Variants in DHX34 observed in about 807,000 individuals in gnomAD.
DHX34 encodes the protein probable ATP-dependent RNA helicase DHX34.
In DHX34, 96 loss-of-function variants were observed where a neutral mutation model predicts 111.1. That is an observed-to-expected ratio of 0.86 (90% CI 0.73 to 1.02). DHX34 has a LOEUF of 1.02. Ranked by LOEUF, DHX34 falls within the 50% of genes least tolerant of loss-of-function variation. The pLI is 0.00. For missense variants in DHX34, 1,560 were observed against 1,579.9 expected (o/e 0.99, Z 0.21); for synonymous variants, 688 against 670.4 (o/e 1.03, Z -0.41).
Position 47,353,293 on chromosome 19 carries a change from A to G in DHX34, c.263A>G (p.His88Arg), listed in dbSNP as rs773973689. 8 of 1,614,062 alleles carry G rather than the reference A, an allele frequency of 5.0e-6. No homozygotes were observed. In the Admixed American group the frequency reaches 1.0e-4, roughly 20 times the overall value. ...KEEKDPGQPK[H>R]SIPALADLPR... Reference sequence around the variant, plus strand: ...GAGAAAGACCCTGGACAGCCCAAGCACAGCATCCCAGCGCTGGCCGACCTA... The same window carrying G: ...GAGAAAGACCCTGGACAGCCCAAGCGCAGCATCCCAGCGCTGGCCGACCTA... Residue 88 changes from histidine to arginine, a missense_variant, in exon 2 of 17, where the codon CAC becomes CGC. Physicochemically the swap from His to Arg is conservative, Grantham distance 29. Transcript: ENST00000328771. This position sits in a 1 kb window ranked among gnomAD's most constrained non-coding sequence, Gnocchi z 4.6.
chr19:47,354,811 C>T (rs547660452), intron 2 of DHX34: 109 of 336,034 alleles, frequency 3.2e-4, no homozygotes, highest in African/African-American at 2.4e-3. Flanking sequence ...CCACCACGCC[C>T]GGCTAATTTT....
In DHX34 at chr19:47,373,710, G is replaced by C; in HGVS notation, c.2064+10G>C. 1 of 1,611,666 alleles carries C rather than the reference G, an allele frequency of 6.2e-7. No individual in the cohort carries two copies. Among genetic ancestry groups the C allele is most frequent in the Non-Finnish European group, 8.5e-7 (1 of 1,178,902 alleles). ...TCGGCGCCAGTTCAAGGTGAGGCTC[G>C]GGAGGAGGGGTAAGGCCGGCCCCAC... On this transcript the variant is annotated intron_variant, in intron 9 of 16. Transcript: ENST00000328771.
rs1857324342 is a variant in DHX34, at chr19:47,357,928, G to T, written c.1080G>T (p.Arg360=). The T allele has an allele frequency of 6.2e-7, 1 of 1,614,032 alleles. No individual in the cohort carries two copies. Among genetic ancestry groups the T allele is most frequent in the Non-Finnish European group, 8.5e-7 (1 of 1,180,042 alleles). ...TTSKSEKLDP[R]PFLRVLESID... is the part of the protein sequence containing the mutation. ...CCAAGTCAGAGAAGCTGGACCCGCG[G>T]CCTTTCCTGAGGGTGCTGGAGTCCA... Residue 360 remains arginine (R), a synonymous_variant, in exon 4 of 17, where the codon CGG becomes CGT. Coordinates refer to ENST00000328771, the MANE Select transcript of DHX34 (RefSeq NM_014681.6).
At chr19:47,365,232 ATTTATTT>A (rs55934856) in intron 6 of DHX34, among the ~76,000 whole-genome samples, 15,007 of 74,292 alleles carry the variant, frequency 0.2, 1,033 homozygotes, top group African/African-American at 0.5. Flanking sequence ...TGTAAAGGTT[ATTTATTT>A]ATTTATTTAT....
intron 1 of DHX34, among the ~76,000 whole-genome samples, chr19:47,352,150 C>G (rs963791728): frequency 1.3e-5 from 2 of 152,160 alleles, no homozygotes; most frequent in Non-Finnish European, 2.9e-5. Context: ...TCCCCTCCTC[C>G]CAGGATCCTT....
intron 9 of DHX34, among the ~76,000 whole-genome samples, chr19:47,374,645 G>C (rs944261411): frequency 6.6e-5 from 10 of 152,012 alleles, no homozygotes; most frequent in Admixed American, 4.6e-4. Context: ...AGGCCCAGAG[G>C]GGGCAGTCAC....
At chr19:47,370,437 C>T (rs993269662) in intron 7 of DHX34, among the ~76,000 whole-genome samples, 1 of 152,364 alleles carries the variant, frequency 6.6e-6, no homozygotes, top group Admixed American at 6.5e-5. Context: ...GAGTCATGCT[C>T]ACCCCTCCCG....
chr19:47,356,052 A>G (rs2122225615), intron 3 of DHX34, among the ~76,000 whole-genome samples: 1 of 152,228 alleles, frequency 6.6e-6, no homozygotes, highest in East Asian at 1.9e-4. Context: ...TTCAGTCTGG[A>G]TAATTCCTTG....
chr19:47,374,580 G>A (rs1329136673), intron 9 of DHX34, among the ~76,000 whole-genome samples: 1 of 152,066 alleles, frequency 6.6e-6, no homozygotes, highest in Non-Finnish European at 1.5e-5. Context: ...ATTGAGAATA[G>A]AATAAAAGGG....
At position 47,381,261 on chromosome 19, in the gene DHX34, A is replaced by T; in HGVS notation, c.3235A>T (p.Thr1079Ser). 4 of 1,613,910 alleles carry T rather than the reference A, an allele frequency of 2.5e-6. No individual in the cohort carries two copies. The highest frequency in any genetic ancestry group is 3.4e-6 in the Non-Finnish European group (4 of 1,179,892). ...CCACTGTGGCCTGCATGCGCCCCTC[A>T]CGCCCCTGGAGCGCATCGCCCATGA... Reference protein sequence around the residue: ...CPHCGLHAPLTPLERIAHENT... With the variant: ...CPHCGLHAPLSPLERIAHENT... The change falls in exon 16 of 17, where the codon ACG (threonine) becomes TCG (serine). Residue 1079 changes from threonine (T) to serine (S), a missense_variant. Coordinates refer to ENST00000328771, the MANE Select transcript of DHX34 (RefSeq NM_014681.6).
rs760192913 is a variant in DHX34, at chr19:47,376,504, G to C, written c.2543G>C (p.Ser848Thr). Reference sequence around the variant, plus strand: ...CACCCCACCTGCGTCTTCGCTGGCAGCCCCGAGGTGCTGCACGCACAGGAG... The same window carrying C: ...CACCCCACCTGCGTCTTCGCTGGCACCCCCGAGGTGCTGCACGCACAGGAG... ...VLHPTCVFAGSPEVLHAQELE... is the reference protein window; with the variant it reads ...VLHPTCVFAGTPEVLHAQELE... The change falls in exon 12 of 17, where the codon AGC becomes ACC. Residue 848 changes from serine (S) to threonine (T), a missense_variant. Physicochemically the swap from Ser to Thr is moderately conservative, Grantham distance 58 (BLOSUM62 1). Transcript: ENST00000328771. 3.1e-6 allele frequency: 5 copies of C among 1,600,220 alleles called. No individual in the cohort carries two copies. The highest frequency in any genetic ancestry group is 1.7e-5 in the Admixed American group (1 of 58,228).
intron 7 of DHX34, among the ~76,000 whole-genome samples, chr19:47,371,087 C>T (rs986291012): frequency 2.2e-4 from 34 of 152,342 alleles, no homozygotes; most frequent in African/African-American, 7.5e-4. Flanking sequence ...GTGGACTTTC[C>T]GTTATTTCAT....
At chr19:47,362,290 A>ATTTT in intron 5 of DHX34, 186 bp from the exon 6 acceptor site, 1 of 663,892 alleles carries the variant, frequency 1.5e-6, no homozygotes, top group Non-Finnish European at 1.9e-6. Context: ...AAAAAAAAAA[A>ATTTT]GATGTGTGAG....
In DHX34 at chr19:47,382,339, C is replaced by A; in HGVS notation, c.*226C>A. 2.6e-6 allele frequency: 2 copies of A among 763,414 alleles called. No individual in the cohort carries two copies. Among genetic ancestry groups the A allele is most frequent in the Non-Finnish European group, 3.9e-6 (2 of 508,400 alleles). The allele number at this position is 763,414 out of a possible 1,614,324, so 47.3% of individuals were successfully genotyped here. On this transcript the variant is annotated 3_prime_UTR_variant, in exon 17 of 17. Coordinates refer to ENST00000328771, the MANE Select transcript of DHX34 (RefSeq NM_014681.6). The stretch of plus-strand genomic sequence containing the variant: ...GCAGCAGCTGCCTTGTTAGTCCTCC[C>A]CAGGGTCTAGCTTTCCTTCTTCCTG...
rs754738445 is a variant in DHX34 at position 47,353,191 on chromosome 19, C to G, written c.161C>G (p.Ser54Cys). Reference protein sequence around the residue: ...FREEDYIRQGSEECQKFWTFF... With the variant: ...FREEDYIRQGCEECQKFWTFF... ...GAAGAGGATTACATCCGTCAGGGTT[C>G]TGAGGAATGTCAGAAGTTTTGGACC... Residue 54 changes from serine to cysteine, a missense_variant, in exon 2 of 17, where the codon TCT (serine) becomes TGT (cysteine). By Grantham distance (112) the Ser-to-Cys change is moderately radical. Coordinates refer to ENST00000328771, the MANE Select transcript of DHX34 (RefSeq NM_014681.6). The surrounding 1 kb of genome is among the most constrained non-coding windows in gnomAD (Gnocchi z 4.6). 3.1e-6 allele frequency: 5 copies of G among 1,614,038 alleles called. No individual in the cohort carries two copies. The African/African-American group carries it at 4.0e-5, about 13-fold the overall frequency.
At chr19:47,381,139 G>A (rs567666688) in intron 15 of DHX34, 47 bp from the exon 16 acceptor site, 35 of 1,606,528 alleles carry the variant, frequency 2.2e-5, no homozygotes, top group Middle Eastern at 3.3e-4. Context: ...CTTGGGTGGT[G>A]GGTGGCACTT....
At position 47,372,903 on chromosome 19, in the gene DHX34, G is replaced by A. The variant is rs780483165; in HGVS notation, c.1942G>A (p.Val648Ile). ...GGGTGACCCCTTCACGCTCTTCAACGTCTTCAACGCCTGGGTGCAGGTGAG... is the reference window on the plus strand; with the variant it reads ...GGGTGACCCCTTCACGCTCTTCAACATCTTCAACGCCTGGGTGCAGGTGAG... ...DQGDPFTLFN[V>I]FNAWVQVKSE... The change falls in exon 8 of 17, where the codon GTC (valine) becomes ATC (isoleucine). Residue 648 changes from valine (V) to isoleucine (I), a missense_variant. Transcript: ENST00000328771. 3 of 1,603,366 alleles carry A rather than the reference G, an allele frequency of 1.9e-6. No individual in the cohort carries two copies. Among genetic ancestry groups the A allele is most frequent in the South Asian group, 1.1e-5 (1 of 90,886 alleles).
Position 47,382,448 on chromosome 19 carries a change from A to G in DHX34, c.*335A>G, listed in dbSNP as rs111963404. ...TCCCATGTCTCCAGATTCCAGGTGC[A>G]GGTTCTTAGCACCTCCGCAGCCGCT... On this transcript the variant is annotated 3_prime_UTR_variant, in exon 17 of 17. Transcript: ENST00000328771. 1.6e-3 allele frequency: 452 copies of G among 281,318 alleles called. 1 individual carries two copies. Among genetic ancestry groups the G allele is most frequent in the Non-Finnish European group, 2.6e-3 (383 of 146,846 alleles). 17.4% of individuals were successfully genotyped at this position (281,318 alleles called of 1,614,324 possible).
chr19:47,379,085 C>T (rs548620300), intron 13 of DHX34, among the ~76,000 whole-genome samples: 57 of 151,614 alleles, frequency 3.8e-4, no homozygotes, highest in African/African-American at 1.3e-3. Flanking sequence ...GCCAAGATTG[C>T]GCCATTGCAT....
Sources: allele counts gnomAD v4.1 joint callset (sites outside exome capture counted in the v4.1 genomes callset), GRCh38; gene constraint gnomAD v4.1.1; non-coding constraint Gnocchi (gnomAD v3.1); transcripts MANE v1.5; gene names NCBI Gene and HGNC (gene_info 2026-07-23, HGNC 2026-07-21).